The following PRKG1 variants were observed in gnomAD, a reference collection of about 807,000 sequenced individuals.
The protein encoded by PRKG1 is protein kinase cGMP-dependent 1, also known as cGMP-dependent protein kinase 1.
A neutral mutation model predicts 88.1 loss-of-function variants in PRKG1; 35 were observed. The ratio of observed to expected loss-of-function variants is 0.40; its 90% CI spans 0.30 to 0.53. The LOEUF (loss-of-function observed/expected upper bound fraction) is 0.53. Among genes scored for constraint, PRKG1 ranks in the 20% least tolerant of loss-of-function variants. The pLI, the probability that PRKG1 is intolerant of heterozygous loss-of-function variation, is 0.59. For synonymous variants in PRKG1, 303 were observed against 292.5 expected (o/e 1.04, Z -0.37); for missense variants, 540 against 839.8 (o/e 0.64, Z 4.41).
intron 4 of PRKG1, among the ~76,000 whole-genome samples, chr10:51,837,575 C>G (rs1039717774): frequency 6.6e-6 from 1 of 152,088 alleles, no homozygotes; most frequent in Non-Finnish European, 1.5e-5. Context: ...ATTCCCTCTC[C>G]ATTGGGGTAA....
chr10:52,082,191 A>G (rs963157410), intron 7 of PRKG1, among the ~76,000 whole-genome samples: 3 of 152,158 alleles, frequency 2.0e-5, no homozygotes, highest in Admixed American at 6.5e-5. Flanking sequence ...AAAGAACAGC[A>G]GCACAGGGTA....
intron 3 of PRKG1, among the ~76,000 whole-genome samples, chr10:51,760,472 G>A (rs10999319): frequency 9.2e-4 from 101 of 110,050 alleles, no homozygotes; most frequent in African/African-American, 2.9e-3. Context: ...TTGACTTTTC[G>A]TTTTTTTTTT....
At chr10:51,867,997 C>T (rs1841057820) in intron 4 of PRKG1, among the ~76,000 whole-genome samples, 1 of 152,124 alleles carries the variant, frequency 6.6e-6, no homozygotes, top group African/African-American at 2.4e-5. Flanking sequence ...TGTCTGTCAT[C>T]ACTTACGCAT....
At chr10:51,191,080 T>C (rs992445669) in intron 2 of PRKG1, among the ~76,000 whole-genome samples, 21 of 151,872 alleles carry the variant, frequency 1.4e-4, no homozygotes, top group African/African-American at 4.8e-4. Context: ...TACCTTGATA[T>C]ATTCCTCCTA....
Position 52,293,918 on chromosome 10 carries a change from CT to C in PRKG1, c.*20del. On this transcript the variant is annotated 3_prime_UTR_variant, in exon 18 of 18. Coordinates refer to ENST00000373980, the MANE Select transcript of PRKG1 (RefSeq NM_006258.4). ...ACTTCTAATGTATTTCTCTTACCTG[CT>C]TCTGCCTTGCTGAAGACAGCTTTTT... 6.3e-6 allele frequency: 10 copies of C among 1,589,422 alleles called. No individual in the cohort carries two copies. Among genetic ancestry groups the C allele is most frequent in the Non-Finnish European group, 8.6e-6 (10 of 1,159,930 alleles).
intron 2 of PRKG1, among the ~76,000 whole-genome samples, chr10:51,166,747 G>C (rs1354646525): frequency 1.3e-5 from 2 of 152,064 alleles, no homozygotes; most frequent in Non-Finnish European, 2.9e-5. Context: ...TACAAAGCAG[G>C]CATTACTAAA....
intron 1 of PRKG1, among the ~76,000 whole-genome samples, chr10:51,065,119 T>C (rs985067626): frequency 6.6e-6 from 1 of 152,114 alleles, no homozygotes. Context: ...ATGGTATGAA[T>C]AGTTTTCTAC....
At chr10:51,392,884 C>T (rs1161060628) in intron 2 of PRKG1, among the ~76,000 whole-genome samples, 9 of 125,148 alleles carry the variant, frequency 7.2e-5, no homozygotes, top group South Asian at 2.4e-4. Flanking sequence ...CCCTCCCAGA[C>T]GGGGCGGCTG....
At chr10:51,833,636 A>C (rs1840057350) in intron 4 of PRKG1, among the ~76,000 whole-genome samples, 1 of 152,208 alleles carries the variant, frequency 6.6e-6, no homozygotes, top group African/African-American at 2.4e-5. Context: ...ACATTGTGGA[A>C]TGACCAAATC....
intron 3 of PRKG1, among the ~76,000 whole-genome samples, chr10:51,745,501 TAG>T (rs1837553467): frequency 6.6e-6 from 1 of 152,178 alleles, no homozygotes; most frequent in African/African-American, 2.4e-5. Context: ...TATGCATTTT[TAG>T]ATACATTAAA....
rs541668024 is a variant in PRKG1 at position 51,279,483 on chromosome 10, AG to A, written c.478+126154del. 1.5e-3 allele frequency among the ~76,000 whole-genome samples: 236 copies of A among 152,280 alleles called. 1 individual carries two copies. The highest frequency in any genetic ancestry group is 2.8e-3 in the Non-Finnish European group (188 of 68,018). ...TCTAATGTTGACAGTGGGGTGTTAA[AG>A]TCTCCCATTATTATTGTGTGGGAGT... On this transcript the variant is annotated intron_variant, in intron 2 of 17. Transcript: ENST00000373980.
chr10:51,466,490 G>A (rs1839910460), intron 2 of PRKG1, among the ~76,000 whole-genome samples: 1 of 152,004 alleles, frequency 6.6e-6, no homozygotes, highest in Admixed American at 6.5e-5. Flanking sequence ...TACCATTTAT[G>A]TGAAATGGTT....
At chr10:51,004,124 A>G (rs1317306788) in intron 1 of PRKG1, among the ~76,000 whole-genome samples, 2 of 152,176 alleles carry the variant, frequency 1.3e-5, no homozygotes, top group African/African-American at 4.8e-5. Flanking sequence ...GTGATTATAC[A>G]TACACTTCCT....
intron 16 of PRKG1, 31 bp downstream of exon 16, chr10:52,289,024 C>G (rs186221275): frequency 6.4e-7 from 1 of 1,564,568 alleles, no homozygotes. Context: ...GTTCTGAACA[C>G]GTGACATCAT....
intron 5 of PRKG1, among the ~76,000 whole-genome samples, chr10:51,995,611 G>A (rs1844420129): frequency 6.6e-6 from 1 of 151,930 alleles, no homozygotes; most frequent in Admixed American, 6.6e-5. Context: ...ACTTATGTTT[G>A]AACACATTAC....
chr10:52,289,121 T>A, intron 16 of PRKG1, 128 bp downstream of exon 16: 3 of 834,758 alleles, frequency 3.6e-6, no homozygotes, highest in Non-Finnish European at 5.6e-6. Context: ...TATAAACTAG[T>A]AAGGCTTTTA....
intron 2 of PRKG1, among the ~76,000 whole-genome samples, chr10:51,366,093 G>A (rs536801229): frequency 5.9e-4 from 90 of 151,908 alleles, no homozygotes; most frequent in African/African-American, 1.9e-3. Flanking sequence ...TTTGCATGAG[G>A]TAATTTTTTT....
At chr10:51,148,540 A>G (rs111533087) in intron 1 of PRKG1, among the ~76,000 whole-genome samples, 2 of 152,062 alleles carry the variant, frequency 1.3e-5, no homozygotes, top group African/African-American at 4.8e-5. Context: ...CATGTTTACT[A>G]TTGCCTGTGA....
At chr10:51,234,396 A>C (rs182013975) in intron 2 of PRKG1, among the ~76,000 whole-genome samples, 1 of 152,338 alleles carries the variant, frequency 6.6e-6, no homozygotes, top group East Asian at 1.9e-4. Flanking sequence ...AGGAGAGCTC[A>C]ACCTGTTCAC....
Sources: allele counts gnomAD v4.1 joint callset (sites outside exome capture counted in the v4.1 genomes callset), GRCh38; gene constraint gnomAD v4.1.1; transcripts MANE v1.5; gene names NCBI Gene and HGNC (gene_info 2026-07-23, HGNC 2026-07-21).